The following FKTN variants were observed in gnomAD, a reference collection of about 807,000 sequenced individuals.
The protein encoded by FKTN is fukutin, also known as ribitol-5-phosphate transferase FKTN.
In FKTN, 47 loss-of-function variants were observed where a neutral mutation model predicts 58.6. The observed-to-expected ratio is 0.80, with a 90% CI of 0.63 to 1.02. The LOEUF (loss-of-function observed/expected upper bound fraction) is 1.02. Among genes scored for constraint, FKTN ranks in the 50% least tolerant of loss-of-function variants. FKTN has a pLI of 0.00. For synonymous variants in FKTN, 178 were observed against 191.9 expected, an observed-to-expected ratio of 0.93 and a Z score of 0.60; for missense variants, 516 against 537.3, an observed-to-expected ratio of 0.96 and a Z score of 0.39.
chr9:105,582,377 G>T (rs549322179), intron 3 of FKTN, among the ~76,000 whole-genome samples: 2 of 152,106 alleles, frequency 1.3e-5, no homozygotes, highest in Non-Finnish European at 2.9e-5. Context: ...AAAATTTTTT[G>T]TAGAGACGGG....
chr9:105,561,148 A>G (rs960036735), intron 1 of FKTN, among the ~76,000 whole-genome samples: 4 of 151,834 alleles, frequency 2.6e-5, no homozygotes, highest in African/African-American at 4.8e-5. Context: ...TCTCATGCCT[A>G]TAATCATTCC....
intron 10 of FKTN, among the ~76,000 whole-genome samples, chr9:105,625,986 G>T (rs1007553691): frequency 6.6e-6 from 1 of 152,024 alleles, no homozygotes; most frequent in Non-Finnish European, 1.5e-5. Flanking sequence ...TAAACTAGAT[G>T]GTATGTTGCT....
At position 105,637,799 on chromosome 9, in the gene FKTN, C is replaced by T; in HGVS notation, c.*2535C>T. On this transcript the variant is annotated 3_prime_UTR_variant, in exon 11 of 11. Transcript: ENST00000357998. ...TAACCAGGACAACCAGGTAGTCACC[C>T]AGTCCTCTCTAAGCAGGGAGCACTT... 2.0e-6 allele frequency: 2 copies of T among 985,230 alleles called. No homozygotes were observed. Among genetic ancestry groups the T allele is most frequent in the Non-Finnish European group, 2.4e-6 (2 of 829,778 alleles). 61.0% of individuals were successfully genotyped at this position (985,230 alleles called of 1,614,324 possible).
At chr9:105,593,613 G>A (rs1283890462) in intron 3 of FKTN, among the ~76,000 whole-genome samples, 1 of 152,084 alleles carries the variant, frequency 6.6e-6, no homozygotes, top group East Asian at 1.9e-4. Context: ...TTTAAAGGGG[G>A]AGAAAGAAAG....
At chr9:105,625,387 G>A (rs553385974) in intron 10 of FKTN, among the ~76,000 whole-genome samples, 1 of 152,272 alleles carries the variant, frequency 6.6e-6, no homozygotes, top group South Asian at 2.1e-4. Flanking sequence ...TGGCAATGCT[G>A]GTAAACTGGT....
At chr9:105,584,195 A>G (rs996635861) in intron 3 of FKTN, among the ~76,000 whole-genome samples, 21 of 152,232 alleles carry the variant, frequency 1.4e-4, no homozygotes, top group Non-Finnish European at 1.2e-4. Flanking sequence ...ATTGATATAC[A>G]TAAACTATTT....
At chr9:105,598,010 T>C in intron 4 of FKTN, 1 of 357,052 alleles carries the variant, frequency 2.8e-6, no homozygotes, top group South Asian at 2.3e-5. Context: ...TGATACATTT[T>C]AAAATGGAAT....
intron 1 of FKTN, among the ~76,000 whole-genome samples, chr9:105,569,640 T>A (rs1840383419): frequency 6.6e-6 from 1 of 152,194 alleles, no homozygotes; most frequent in South Asian, 2.1e-4. Flanking sequence ...CATTGCCAGA[T>A]CTCAGTTCAT....
At chr9:105,618,440 A>G (rs4742956) in intron 9 of FKTN, among the ~76,000 whole-genome samples, 41,165 of 152,090 alleles carry the variant, frequency 0.27, 5,833 homozygotes, top group Non-Finnish European at 0.31. Flanking sequence ...TGTATAATAT[A>G]CAATTAATAA....
Position 105,605,637 on chromosome 9 carries a change from A to G in FKTN, c.647+1145A>G, listed in dbSNP as rs563101002. Among the ~76,000 whole-genome samples the G allele has an allele frequency of 9.8e-5, 15 of 152,286 alleles. No individual in the cohort carries two copies. In the East Asian group the frequency reaches 1.9e-3, roughly 20 times the overall value. On this transcript the variant is annotated intron_variant, in intron 6 of 10. Transcript: ENST00000357998. ...TTATATTAAGTGAAATAAGCCAGGC[A>G]CAGAAAGACAAACTTTCCATGTTCT...
At position 105,637,746 on chromosome 9, in the gene FKTN, C is replaced by T. The variant is rs1834142667; in HGVS notation, c.*2482C>T. 9.1e-6 allele frequency: 9 copies of T among 985,158 alleles called. No homozygotes were observed. The highest frequency in any genetic ancestry group is 1.1e-5 in the Non-Finnish European group (9 of 829,828). 61.0% of individuals were successfully genotyped at this position (985,158 alleles called of 1,614,324 possible). A position where few individuals can be genotyped will look rare whatever the true frequency, so the allele number is the denominator to read the frequency against. ...CACCCATGAATGTCTCCAGAGACAT[C>T]CTGAGAGGCAAGATTCCTCTTAATT... On this transcript the variant is annotated 3_prime_UTR_variant, in exon 11 of 11. Coordinates refer to ENST00000357998, the MANE Select transcript of FKTN (RefSeq NM_001079802.2).
At chr9:105,563,286 G>A (rs796941306) in intron 1 of FKTN, among the ~76,000 whole-genome samples, 11 of 152,332 alleles carry the variant, frequency 7.2e-5, no homozygotes, top group African/African-American at 2.6e-4. Flanking sequence ...TCTCACTGGG[G>A]ATTATCGGAC....
At chr9:105,620,977 G>A (rs1476663552) in intron 10 of FKTN, among the ~76,000 whole-genome samples, 3 of 152,038 alleles carry the variant, frequency 2.0e-5, no homozygotes, top group Non-Finnish European at 4.4e-5. Context: ...GCCAGTATTA[G>A]AGTCCTGTTA....
intron 10 of FKTN, among the ~76,000 whole-genome samples, chr9:105,627,955 A>C (rs1832935632): frequency 6.6e-6 from 1 of 152,156 alleles, no homozygotes; most frequent in Non-Finnish European, 1.5e-5. Flanking sequence ...ACTTGATCCA[A>C]CCTAACGTGG....
chr9:105,614,942 G>A (rs763246730), intron 7 of FKTN, among the ~76,000 whole-genome samples: 1 of 148,928 alleles, frequency 6.7e-6, no homozygotes, highest in African/African-American at 2.5e-5. Context: ...GGAGTATAGT[G>A]GTGTGATCTT....
chr9:105,614,874 T>A (rs968204883), intron 7 of FKTN, among the ~76,000 whole-genome samples: 1 of 150,916 alleles, frequency 6.6e-6, no homozygotes, highest in African/African-American at 2.4e-5. Flanking sequence ...CTTTTTTTTC[T>A]CCTTTCTTTC....
intron 7 of FKTN, among the ~76,000 whole-genome samples, chr9:105,611,441 T>G (rs1048898169): frequency 6.6e-6 from 1 of 152,148 alleles, no homozygotes; most frequent in African/African-American, 2.4e-5. Flanking sequence ...TTGTACAGAT[T>G]ATTTCACCAC....
chr9:105,598,965 T>C (rs1040846385), intron 4 of FKTN, among the ~76,000 whole-genome samples: 1 of 151,920 alleles, frequency 6.6e-6, no homozygotes, highest in Non-Finnish European at 1.5e-5. Context: ...AATAGCTAAA[T>C]TGGACTATTA....
chr9:105,598,413 A>C (rs926335813), intron 4 of FKTN: 2 of 158,506 alleles, frequency 1.3e-5, no homozygotes, highest in African/African-American at 4.8e-5. Flanking sequence ...GGGAGCACTT[A>C]GAAAAGAAAA....
Sources: gnomAD v4.1 joint callset for allele counts (sites outside exome capture counted in the v4.1 genomes callset) on GRCh38, gnomAD v4.1.1 for gene constraint, MANE v1.5 for transcripts, NCBI Gene and HGNC (gene_info 2026-07-23, HGNC 2026-07-21) for gene names.